Variants in RYR3 observed in about 807,000 individuals in gnomAD.
RYR3 encodes the protein ryanodine receptor 3, also known as brain ryanodine receptor-calcium release channel.
In RYR3, 207 loss-of-function variants were observed where a neutral mutation model predicts 584.3. That is an observed-to-expected ratio of 0.35 (90% CI 0.32 to 0.40). RYR3 has a LOEUF of 0.40. RYR3 is among the 10% of genes least tolerant of loss of function. The probability of loss-of-function intolerance (pLI) is 1.00; values close to 1 mark genes in which losing one functional copy is unlikely to be tolerated. For missense variants in RYR3, 5,616 were observed against 6,089.2 expected, an observed-to-expected ratio of 0.92 and a Z score of 2.59; for synonymous variants, 2,416 against 2,248.5, an observed-to-expected ratio of 1.07 and a Z score of -2.11.
At chr15:33,731,752 C>T in intron 48 of RYR3, 58 bp downstream of exon 48, 2 of 1,187,366 alleles carry the variant, frequency 1.7e-6, no homozygotes, top group Non-Finnish European at 2.5e-6. Flanking sequence ...ACTGCATTTT[C>T]CTATGTAATC....
intron 11 of RYR3, among the ~76,000 whole-genome samples, chr15:33,566,217 T>C (rs552947178): frequency 6.6e-4 from 101 of 152,360 alleles, no homozygotes; most frequent in Non-Finnish European, 1.2e-3. Flanking sequence ...CTCAGTGTAG[T>C]TGGCCTTCAG....
intron 65 of RYR3, among the ~76,000 whole-genome samples, chr15:33,783,931 C>T (rs1353605539): frequency 1.3e-5 from 2 of 152,118 alleles, no homozygotes; most frequent in Non-Finnish European, 2.9e-5. Flanking sequence ...CTTTGGCTTT[C>T]ATGCTATTAA....
intron 46 of RYR3, among the ~76,000 whole-genome samples, chr15:33,727,758 A>G (rs904516516): frequency 5.9e-5 from 9 of 152,242 alleles, no homozygotes; most frequent in African/African-American, 2.2e-4. Context: ...ATGAAGTCCC[A>G]CACTTTTCCG....
At chr15:33,701,450 A>G (rs79295703) in intron 42 of RYR3, among the ~76,000 whole-genome samples, 5 of 152,204 alleles carry the variant, frequency 3.3e-5, no homozygotes, top group Non-Finnish European at 7.3e-5. Flanking sequence ...CTGTATAATC[A>G]GTGTCCTTTC....
chr15:33,668,766 A>C (rs566761031), intron 36 of RYR3, among the ~76,000 whole-genome samples: 1 of 152,280 alleles, frequency 6.6e-6, no homozygotes, highest in African/African-American at 2.4e-5. Context: ...AAATATGCAA[A>C]CCTGTTCCTC....
At chr15:33,855,530 C>T (rs912688684) in intron 98 of RYR3, among the ~76,000 whole-genome samples, 22 of 152,114 alleles carry the variant, frequency 1.4e-4, no homozygotes, top group Non-Finnish European at 2.9e-4. Flanking sequence ...TCTACCCCTT[C>T]CTCCATGAAT....
chr15:33,533,301 T>G lies in RYR3; in HGVS notation c.355-10T>G. ...GTGTGACTTCACTAGTATTTGCTCT[T>G]CTTTCACAGTATCTAACATGCTTGA... On this transcript the variant is annotated splice_polypyrimidine_tract_variant and intron_variant, in intron 4 of 103. Transcript: ENST00000634891. 1 of 1,589,212 alleles carries G rather than the reference T, an allele frequency of 6.3e-7. No individual in the cohort carries two copies. Among genetic ancestry groups the G allele is most frequent in the Non-Finnish European group, 8.6e-7 (1 of 1,164,976 alleles).
chr15:33,407,221 T>C (rs2043086141), intron 1 of RYR3, among the ~76,000 whole-genome samples: 1 of 152,232 alleles, frequency 6.6e-6, no homozygotes, highest in Admixed American at 6.5e-5. Context: ...CACCTCTTAA[T>C]ACCACCACTG....
At chr15:33,630,190 G>A (rs999922909) in intron 22 of RYR3, 147 bp downstream of exon 22, 16 of 578,380 alleles carry the variant, frequency 2.8e-5, no homozygotes, top group Non-Finnish European at 4.6e-5. Context: ...TGTCACAAGA[G>A]GATTTAGCAT....
intron 12 of RYR3, among the ~76,000 whole-genome samples, chr15:33,567,627 A>G (rs1317899612): frequency 6.6e-6 from 1 of 152,136 alleles, no homozygotes; most frequent in Non-Finnish European, 1.5e-5. Context: ...TGGTTTAGGG[A>G]AAATAGGTGG....
intron 1 of RYR3, among the ~76,000 whole-genome samples, chr15:33,383,063 A>G (rs2141209414): frequency 6.6e-6 from 1 of 152,164 alleles, no homozygotes. Flanking sequence ...GTTAGGCCAT[A>G]GTGAGGAAAC....
At chr15:33,792,578 T>G (rs1238199035) in intron 67 of RYR3, among the ~76,000 whole-genome samples, 1 of 152,210 alleles carries the variant, frequency 6.6e-6, no homozygotes, top group African/African-American at 2.4e-5. Context: ...ATGTCATAAT[T>G]AGGCAAATTA....
intron 43 of RYR3, among the ~76,000 whole-genome samples, chr15:33,719,328 C>T (rs1411637634): frequency 2.0e-5 from 3 of 152,184 alleles, no homozygotes; most frequent in Non-Finnish European, 4.4e-5. Context: ...GCAAGCTCAA[C>T]GTAGAACTCA....
chr15:33,463,743 G>T (rs1004188442), intron 1 of RYR3, among the ~76,000 whole-genome samples: 4 of 152,124 alleles, frequency 2.6e-5, no homozygotes, highest in Admixed American at 6.6e-5. Context: ...GCCATGGGAG[G>T]CTGAGTAGCT....
At chr15:33,383,432 G>A (rs533878170) in intron 1 of RYR3, among the ~76,000 whole-genome samples, 8 of 151,616 alleles carry the variant, frequency 5.3e-5, no homozygotes, top group East Asian at 1.9e-4. Flanking sequence ...GGCATCTTCC[G>A]GAAATTGCCT....
chr15:33,730,884 G>A lies in RYR3; in HGVS notation c.7204-590G>A, dbSNP rs189559524. On this transcript the variant is annotated intron_variant, in intron 47 of 103. Coordinates refer to ENST00000634891, the MANE Select transcript of RYR3 (RefSeq NM_001036.6). ...CATGCAGAGTCAGGTTCCCTTTAGTGGGGTCTACTCTAATGTCAGTATTGA... is the reference window on the plus strand; with the variant it reads ...CATGCAGAGTCAGGTTCCCTTTAGTAGGGTCTACTCTAATGTCAGTATTGA... 1.4e-4 allele frequency among the ~76,000 whole-genome samples: 21 copies of A among 152,308 alleles called. No homozygotes were observed. In the East Asian group the frequency reaches 3.9e-3, roughly 28 times the overall value.
intron 1 of RYR3, among the ~76,000 whole-genome samples, chr15:33,315,058 T>C (rs1967961752): frequency 6.6e-6 from 1 of 152,192 alleles, no homozygotes; most frequent in South Asian, 2.1e-4. Context: ...CCATAGAAAG[T>C]TGTCCTCCTT....
chr15:33,788,117 T>A (rs1337556008), intron 66 of RYR3, 101 bp from the exon 67 acceptor site: 5 of 1,448,018 alleles, frequency 3.5e-6, no homozygotes, highest in Non-Finnish European at 4.8e-6. Flanking sequence ...GGTGCCATCC[T>A]GAGTCGATGG....
At chr15:33,490,373 T>C (rs1354667948) in intron 2 of RYR3, among the ~76,000 whole-genome samples, 1 of 152,206 alleles carries the variant, frequency 6.6e-6, no homozygotes, top group Non-Finnish European at 1.5e-5. Flanking sequence ...AGCATTTTCA[T>C]GAAGGATCTT....
Sources: gnomAD v4.1 joint callset for allele counts (sites outside exome capture counted in the v4.1 genomes callset) on GRCh38, gnomAD v4.1.1 for gene constraint, MANE v1.5 for transcripts, NCBI Gene and HGNC (gene_info 2026-07-23, HGNC 2026-07-21) for gene names.